The following CHL1 variants were observed in gnomAD, a reference collection of about 807,000 sequenced individuals.
The protein encoded by CHL1 is neural cell adhesion molecule L1-like protein.
Under a neutral mutation model 141.9 loss-of-function variants are expected in CHL1, and 96 were observed. The ratio of observed to expected loss-of-function variants is 0.68; its 90% CI spans 0.57 to 0.80. The LOEUF is 0.80. Ranked by LOEUF, CHL1 falls within the 30% of genes least tolerant of loss-of-function variation. The probability of loss-of-function intolerance (pLI) is 0.00; values close to 1 mark genes in which losing one functional copy is unlikely to be tolerated. For synonymous variants in CHL1, 613 were observed against 502.2 expected, an observed-to-expected ratio of 1.22 and a Z score of -2.95; for missense variants, 1,820 against 1,457.2, an observed-to-expected ratio of 1.25 and a Z score of -4.05.
chr3:225,050 C>T (rs927521480), intron 1 of CHL1, among the ~76,000 whole-genome samples: 1 of 152,174 alleles, frequency 6.6e-6, no homozygotes, highest in Non-Finnish European at 1.5e-5. Context: ...CGGGAGAACA[C>T]TTGAACTCAG....
At chr3:341,347 G>A (rs1702332389) in intron 6 of CHL1, among the ~76,000 whole-genome samples, 2 of 152,090 alleles carry the variant, frequency 1.3e-5, no homozygotes, top group African/African-American at 4.8e-5. Context: ...TTCTCATTGT[G>A]AACCATAGAG....
chr3:377,903 C>G lies in CHL1; in HGVS notation c.1837C>G (p.Leu613Val), dbSNP rs267599818. The change falls in exon 16 of 28, where the codon CTA becomes GTA. Residue 613 changes from leucine to valine, a missense_variant. Transcript: ENST00000256509. The stretch of plus-strand genomic sequence containing the variant: ...TTACTGCTGTTCAGCTCATACTGCT[C>G]TAGACAGTGCTGCCGATATAACTCA... ...GIYCCSAHTA[L>V]DSAADITQVT... 1.9e-6 allele frequency: 3 copies of G among 1,612,668 alleles called. No homozygotes were observed. The highest frequency in any genetic ancestry group is 2.5e-6 in the Non-Finnish European group (3 of 1,179,376).
At chr3:219,799 T>C (rs1700663272) in intron 1 of CHL1, among the ~76,000 whole-genome samples, 1 of 152,206 alleles carries the variant, frequency 6.6e-6, no homozygotes, top group African/African-American at 2.4e-5. Context: ...CAGGTTTACC[T>C]GTGTAACAAA....
At chr3:317,910 A>C (rs1425254299) in intron 2 of CHL1, among the ~76,000 whole-genome samples, 1 of 151,888 alleles carries the variant, frequency 6.6e-6, no homozygotes, top group Admixed American at 6.6e-5. Context: ...CATTGAACAT[A>C]TATGTTAAAT....
intron 24 of CHL1, among the ~76,000 whole-genome samples, chr3:397,854 G>T (rs74602207): frequency 0.027 from 4,072 of 152,096 alleles, 60 homozygotes; most frequent in African/African-American, 0.047. Flanking sequence ...CGATTATAAG[G>T]TTATGTGCTG....
chr3:269,938 G>A (rs1157321931), intron 2 of CHL1, among the ~76,000 whole-genome samples: 1 of 152,170 alleles, frequency 6.6e-6, no homozygotes, highest in Non-Finnish European at 1.5e-5. Flanking sequence ...AGATCTCCAG[G>A]AAGCTGGAGG....
chr3:361,081 A>G (rs144874751), intron 12 of CHL1, among the ~76,000 whole-genome samples: 4,191 of 152,104 alleles, frequency 0.028, 198 homozygotes, highest in African/African-American at 0.095. Context: ...TAGCAGCATG[A>G]TTTATCTTTG....
chr3:330,075 CA>C (rs1701319385), intron 5 of CHL1, among the ~76,000 whole-genome samples: 1 of 151,828 alleles, frequency 6.6e-6, no homozygotes, highest in Non-Finnish European at 1.5e-5. Context: ...ACTAACACGG[CA>C]AAATGAGTTT....
intron 11 of CHL1, among the ~76,000 whole-genome samples, chr3:357,150 A>T (rs752079680): frequency 2.6e-5 from 4 of 152,166 alleles, no homozygotes; most frequent in Admixed American, 6.5e-5. Context: ...TAGACTTCAA[A>T]CCAAAGCCAG....
chr3:341,675 C>T (rs1012090762), intron 6 of CHL1, among the ~76,000 whole-genome samples: 1 of 152,136 alleles, frequency 6.6e-6, no homozygotes, highest in Non-Finnish European at 1.5e-5. Context: ...TGTTTGTCTA[C>T]TGGTGGACTT....
rs1414423098 is a variant in CHL1, at chr3:407,961, C to G, written c.*2250C>G. On this transcript the variant is annotated 3_prime_UTR_variant, in exon 28 of 28. Transcript: ENST00000256509. ...GACTATGCTTTGCTATCATTGTTACCTTTCCTCAATACTATTTGGCAACTA... is the reference window on the plus strand; with the variant it reads ...GACTATGCTTTGCTATCATTGTTACGTTTCCTCAATACTATTTGGCAACTA... The G allele has an allele frequency of 6.6e-6, 1 of 152,012 alleles. No homozygotes were observed. The highest frequency in any genetic ancestry group is 1.5e-5 in the Non-Finnish European group (1 of 68,002). The allele number at this position is 152,012 out of a possible 1,614,324, so 9.4% of individuals were successfully genotyped here.
chr3:386,889 GTT>G (rs1290817943), intron 19 of CHL1, among the ~76,000 whole-genome samples: 1 of 152,070 alleles, frequency 6.6e-6, no homozygotes, highest in Non-Finnish European at 1.5e-5. Flanking sequence ...GAGAGACTAG[GTT>G]TTAAGTGTTC....
intron 2 of CHL1, among the ~76,000 whole-genome samples, chr3:281,560 T>G (rs1419436747): frequency 2.2e-5 from 1 of 44,600 alleles, no homozygotes; most frequent in African/African-American, 1.4e-4. Context: ...AATTTGTACC[T>G]TTTTTTTTTT....
intron 1 of CHL1, among the ~76,000 whole-genome samples, chr3:224,019 T>C (rs952122243): frequency 6.6e-6 from 1 of 152,182 alleles, no homozygotes; most frequent in African/African-American, 2.4e-5. Context: ...AATAATGATG[T>C]TACCTATAGG....
At chr3:361,117 G>C (rs1704205050) in intron 12 of CHL1, among the ~76,000 whole-genome samples, 1 of 151,918 alleles carries the variant, frequency 6.6e-6, no homozygotes, top group Non-Finnish European at 1.5e-5. Context: ...ACAAGCAATG[G>C]GGAAAGGAAT....
At chr3:346,306 G>C (rs920589383) in intron 9 of CHL1, among the ~76,000 whole-genome samples, 10 of 152,110 alleles carry the variant, frequency 6.6e-5, no homozygotes, top group African/African-American at 2.2e-4. Context: ...TGGAATGTTT[G>C]GTCTGTGTAT....
intron 15 of CHL1, among the ~76,000 whole-genome samples, chr3:377,023 A>G (rs148041784): frequency 2.0e-5 from 3 of 152,310 alleles, no homozygotes; most frequent in African/African-American, 7.2e-5. Flanking sequence ...TTTCCTCCTC[A>G]CAAGGATGAC....
At chr3:374,254 T>A (rs993030367) in intron 15 of CHL1, among the ~76,000 whole-genome samples, 17 of 152,278 alleles carry the variant, frequency 1.1e-4, no homozygotes, top group African/African-American at 4.1e-4. Flanking sequence ...AGGCAGTGTA[T>A]GTATTACAAC....
chr3:378,280 TG>T (rs1378165689), intron 16 of CHL1, among the ~76,000 whole-genome samples: 3 of 151,922 alleles, frequency 2.0e-5, no homozygotes, highest in Non-Finnish European at 4.4e-5. Context: ...GGCTGAGGAA[TG>T]GAGGTGGGCT....
Sources: allele counts gnomAD v4.1 joint callset (sites outside exome capture counted in the v4.1 genomes callset), GRCh38; gene constraint gnomAD v4.1.1; transcripts MANE v1.5; gene names NCBI Gene and HGNC (gene_info 2026-07-23, HGNC 2026-07-21).